PRKCA: variants seen among roughly 807,000 people sequenced by gnomAD.
PRKCA encodes protein kinase C alpha.
In PRKCA, 27 loss-of-function variants were observed where a neutral mutation model predicts 87.0. The observed-to-expected ratio is 0.31, with a 90% CI of 0.23 to 0.43. The LOEUF (loss-of-function observed/expected upper bound fraction) is 0.43. Ranked by LOEUF, PRKCA falls within the 20% of genes least tolerant of loss-of-function variation. The probability of loss-of-function intolerance (pLI) is 1.00; values close to 1 mark genes in which losing one functional copy is unlikely to be tolerated. For missense variants in PRKCA, 518 were observed against 852.3 expected (o/e 0.61, Z 4.88); for synonymous variants, 329 against 311.1 (o/e 1.06, Z -0.61).
chr17:66,669,965 A>G (rs553436787), intron 5 of PRKCA, among the ~76,000 whole-genome samples: 1 of 152,354 alleles, frequency 6.6e-6, no homozygotes, highest in Non-Finnish European at 1.5e-5. Context: ...TTTTCTTCAG[A>G]ATATATAGGT....
intron 3 of PRKCA, among the ~76,000 whole-genome samples, chr17:66,580,921 G>A (rs1969408939): frequency 7.9e-6 from 1 of 126,140 alleles, no homozygotes; most frequent in African/African-American, 3.5e-5. Context: ...TTTAAGATGA[G>A]ATTTGTTGCC....
intron 2 of PRKCA, among the ~76,000 whole-genome samples, chr17:66,481,761 G>T (rs115710056): frequency 6.6e-6 from 1 of 152,114 alleles, no homozygotes; most frequent in Non-Finnish European, 1.5e-5. Flanking sequence ...AGCTTCATGC[G>T]TGTCTGTGGA....
chr17:66,604,087 C>G (rs961564773), intron 3 of PRKCA, among the ~76,000 whole-genome samples: 2 of 152,130 alleles, frequency 1.3e-5, no homozygotes, highest in Admixed American at 6.5e-5. Flanking sequence ...TCCCGGCTGT[C>G]GCTCCCTGCC....
intron 3 of PRKCA, among the ~76,000 whole-genome samples, chr17:66,551,786 T>C (rs866987386): frequency 7.9e-5 from 12 of 152,108 alleles, no homozygotes; most frequent in South Asian, 2.1e-4. Context: ...TATATATATA[T>C]ATGAGAGAGA....
chr17:66,535,571 C>G (rs1967749262), intron 3 of PRKCA, among the ~76,000 whole-genome samples: 1 of 152,168 alleles, frequency 6.6e-6, no homozygotes, highest in South Asian at 2.1e-4. Flanking sequence ...GGGGTTGGCC[C>G]TCACCAGAGT....
chr17:66,385,591 G>C (rs1228313684), intron 2 of PRKCA, among the ~76,000 whole-genome samples: 1 of 152,072 alleles, frequency 6.6e-6, no homozygotes, highest in Non-Finnish European at 1.5e-5. Context: ...TCCTGGTATG[G>C]TGGCTCACAC....
intron 9 of PRKCA, among the ~76,000 whole-genome samples, chr17:66,733,641 A>T (rs1224486556): frequency 2.0e-5 from 3 of 152,012 alleles, no homozygotes; most frequent in Non-Finnish European, 4.4e-5. Context: ...AAAATACAAA[A>T]ATTAGCTGGG....
At chr17:66,673,064 T>G (rs900841016) in intron 5 of PRKCA, among the ~76,000 whole-genome samples, 12 of 152,346 alleles carry the variant, frequency 7.9e-5, no homozygotes, top group African/African-American at 2.6e-4. Flanking sequence ...GCAGAATCGT[T>G]TCAGTCTCTC....
intron 2 of PRKCA, among the ~76,000 whole-genome samples, chr17:66,443,826 G>T (rs372705246): frequency 6.6e-6 from 1 of 152,168 alleles, no homozygotes; most frequent in African/African-American, 2.4e-5. Context: ...TGCTTGCAGA[G>T]GCAGTGAATT....
chr17:66,758,919 TAAC>T (rs1053399087), intron 13 of PRKCA, among the ~76,000 whole-genome samples: 2 of 152,172 alleles, frequency 1.3e-5, no homozygotes, highest in African/African-American at 4.8e-5. Context: ...TTCAAAATAA[TAAC>T]ATATTCTAGT....
At chr17:66,617,384 T>C (rs946171243) in intron 3 of PRKCA, among the ~76,000 whole-genome samples, 4 of 152,196 alleles carry the variant, frequency 2.6e-5, no homozygotes, top group Admixed American at 6.5e-5. Context: ...AGATGTCTCA[T>C]GTGTTATCTG....
chr17:66,330,623 T>C (rs1361152144), intron 2 of PRKCA, among the ~76,000 whole-genome samples: 1 of 152,218 alleles, frequency 6.6e-6, no homozygotes, highest in Admixed American at 6.5e-5. Context: ...TTTATTAAGC[T>C]AAAATATTCC....
At chr17:66,396,641 T>C (rs1380020799) in intron 2 of PRKCA, among the ~76,000 whole-genome samples, 1 of 150,832 alleles carries the variant, frequency 6.6e-6, no homozygotes, top group Non-Finnish European at 1.5e-5. Flanking sequence ...CTTTTTTTTT[T>C]TTTTCGTGAC....
intron 2 of PRKCA, among the ~76,000 whole-genome samples, chr17:66,423,558 A>C (rs1912612547): frequency 6.6e-6 from 1 of 152,200 alleles, no homozygotes; most frequent in African/African-American, 2.4e-5. Flanking sequence ...ACTCAGAAGA[A>C]AGTCCCCTAG....
chr17:66,471,822 C>T (rs1425878107), intron 2 of PRKCA, among the ~76,000 whole-genome samples: 3 of 152,000 alleles, frequency 2.0e-5, no homozygotes, highest in Non-Finnish European at 2.9e-5. Flanking sequence ...GCAGTGAAGT[C>T]GTATTTGGCT....
intron 3 of PRKCA, among the ~76,000 whole-genome samples, chr17:66,579,595 G>A (rs1267326058): frequency 2.0e-5 from 3 of 152,188 alleles, no homozygotes; most frequent in African/African-American, 7.2e-5. Context: ...CTGAGCTCAC[G>A]TGGCTGGTAG....
chr17:66,611,793 T>A (rs1970371872), intron 3 of PRKCA, among the ~76,000 whole-genome samples: 1 of 152,324 alleles, frequency 6.6e-6, no homozygotes, highest in East Asian at 1.9e-4. Flanking sequence ...AGCAATGAGT[T>A]GAGGGTTCTG....
At chr17:66,418,222 C>T (rs1912272347) in intron 2 of PRKCA, among the ~76,000 whole-genome samples, 1 of 152,100 alleles carries the variant, frequency 6.6e-6, no homozygotes, top group Non-Finnish European at 1.5e-5. Context: ...AGAAAACTGC[C>T]TACTTGTGTG....
At chr17:66,401,104 A>G (rs2143686721) in intron 2 of PRKCA, among the ~76,000 whole-genome samples, 1 of 152,336 alleles carries the variant, frequency 6.6e-6, no homozygotes, top group East Asian at 1.9e-4. Flanking sequence ...AGATAACCAG[A>G]ACACAGTTCC....
Sources: allele counts gnomAD v4.1 joint callset (sites outside exome capture counted in the v4.1 genomes callset), GRCh38; gene constraint gnomAD v4.1.1; transcripts MANE v1.5; gene names NCBI Gene and HGNC (gene_info 2026-07-23, HGNC 2026-07-21).